The following DNAJC7 variants were observed in gnomAD, a reference collection of about 807,000 sequenced individuals.
The protein encoded by DNAJC7 is DnaJ heat shock protein family (Hsp40) member C7, also known as dnaJ homolog subfamily C member 7.
DNAJC7 carries 18 observed loss-of-function variants against 67.4 expected under a neutral mutation model. That is an observed-to-expected ratio of 0.27 (90% CI 0.18 to 0.40). DNAJC7 has a LOEUF of 0.40. DNAJC7 is among the 10% of genes least tolerant of loss of function. The pLI, the probability that DNAJC7 is intolerant of heterozygous loss-of-function variation, is 1.00. For missense variants in DNAJC7, 419 were observed against 613.8 expected (o/e 0.68, Z 3.35); for synonymous variants, 220 against 207.8 (o/e 1.06, Z -0.50).
intron 1 of DNAJC7, chr17:42,017,033 C>T: frequency 7.5e-7 from 1 of 1,330,512 alleles, no homozygotes; most frequent in Non-Finnish European, 9.6e-7. Flanking sequence ...CGCGCCGCTT[C>T]CCCCACCTCG....
At chr17:41,981,354 A>G (rs985084993) in intron 12 of DNAJC7, among the ~76,000 whole-genome samples, 1 of 151,728 alleles carries the variant, frequency 6.6e-6, no homozygotes, top group African/African-American at 2.4e-5. Context: ...CCACCACCAC[A>G]CCTGGCTAAT....
intron 1 of DNAJC7, among the ~76,000 whole-genome samples, chr17:42,004,643 T>C (rs905332472): frequency 1.3e-5 from 2 of 152,188 alleles, no homozygotes; most frequent in African/African-American, 4.8e-5. Flanking sequence ...CACAACAGGA[T>C]CAGCACACTG....
At chr17:41,986,845 G>T (rs2051396118) in intron 9 of DNAJC7, among the ~76,000 whole-genome samples, 1 of 152,172 alleles carries the variant, frequency 6.6e-6, no homozygotes, top group African/African-American at 2.4e-5. Context: ...AGAAAACTAA[G>T]TGGGAGGTAG....
chr17:41,980,398 A>C (rs2051218561), intron 12 of DNAJC7, among the ~76,000 whole-genome samples: 1 of 150,140 alleles, frequency 6.7e-6, no homozygotes, highest in South Asian at 2.1e-4. Flanking sequence ...TAATTAATTA[A>C]TTTTTGAGAT....
intron 1 of DNAJC7, among the ~76,000 whole-genome samples, chr17:42,006,318 CA>C (rs1177704198): frequency 6.6e-6 from 1 of 151,354 alleles, no homozygotes; most frequent in East Asian, 1.9e-4. Context: ...CACGCCTGGC[CA>C]ATTTTTTTTT....
At chr17:42,001,181 G>A (rs2051798111) in intron 1 of DNAJC7, 1 of 152,392 alleles carries the variant, frequency 6.6e-6, no homozygotes, top group East Asian at 1.9e-4. Flanking sequence ...GTGGATGACA[G>A]GGACATATGA....
At chr17:41,981,321 C>T (rs1450652053) in intron 12 of DNAJC7, among the ~76,000 whole-genome samples, 5 of 152,096 alleles carry the variant, frequency 3.3e-5, no homozygotes, top group African/African-American at 7.2e-5. Flanking sequence ...CTCGGCCTCC[C>T]GAGTAGCTGG....
intron 6 of DNAJC7, 128 bp downstream of exon 6, chr17:41,990,136 A>T: frequency 1.2e-6 from 1 of 834,634 alleles, no homozygotes; most frequent in Non-Finnish European, 1.9e-6. Context: ...CTTTGACTTT[A>T]AGTCCCAAGA....
At chr17:41,994,519 CAAAAAAAAAAA>C (rs68006925) in intron 5 of DNAJC7, among the ~76,000 whole-genome samples, 7 of 37,888 alleles carry the variant, frequency 1.8e-4, no homozygotes, top group East Asian at 1.5e-3. Context: ...GACTAGGCCT[CAAAAAAAAAAA>C]AAAAAAAAAA....
At position 41,982,242 on chromosome 17, in the gene DNAJC7, G is replaced by A. The variant is rs188154692; in HGVS notation, c.1231+13C>T. The A allele has an allele frequency of 3.0e-5, 49 of 1,613,742 alleles. No individual in the cohort carries two copies. The highest frequency in any genetic ancestry group is 4.1e-5 in the Non-Finnish European group (48 of 1,179,802). ...GTTCTTCCCACTGAGCCCACTCCCC[G>A]CACCTACTCTACCTGGATGGTGCAT... is the stretch of plus-strand genomic sequence containing the variant. On this transcript the variant is annotated intron_variant, in intron 11 of 13. Coordinates refer to ENST00000457167, the MANE Select transcript of DNAJC7 (RefSeq NM_003315.4).
intron 11 of DNAJC7, 111 bp downstream of exon 11, chr17:41,982,144 C>A: frequency 6.5e-7 from 1 of 1,548,896 alleles, no homozygotes; most frequent in East Asian, 2.3e-5. Flanking sequence ...GTCTGCAACA[C>A]CTTATTCTCA....
At chr17:42,006,740 T>A (rs2051968508) in intron 1 of DNAJC7, among the ~76,000 whole-genome samples, 1 of 131,604 alleles carries the variant, frequency 7.6e-6, no homozygotes, top group African/African-American at 2.9e-5. Flanking sequence ...GTGGTTGTGA[T>A]GAGCCAAGGT....
At chr17:41,980,101 G>A (rs1320273387) in intron 12 of DNAJC7, among the ~76,000 whole-genome samples, 1 of 148,074 alleles carries the variant, frequency 6.8e-6, no homozygotes, top group East Asian at 2.0e-4. Context: ...CCAGGCTGGA[G>A]TGCAGTGGTG....
chr17:41,980,703 G>A lies in DNAJC7; in HGVS notation c.1384+1152C>T, dbSNP rs563497017. 1.4e-3 allele frequency among the ~76,000 whole-genome samples: 206 copies of A among 152,204 alleles called. 1 individual carries two copies. The highest frequency in any genetic ancestry group is 4.7e-3 in the African/African-American group (197 of 41,534). On this transcript the variant is annotated intron_variant, in intron 12 of 13. Coordinates refer to ENST00000457167, the MANE Select transcript of DNAJC7 (RefSeq NM_003315.4). Reference sequence around the variant, plus strand: ...GTAAGCCACCGCGCCCAGCTCACAGGTCAGGGCCTCTTATCTCTGACAGCC... The same window carrying A: ...GTAAGCCACCGCGCCCAGCTCACAGATCAGGGCCTCTTATCTCTGACAGCC...
At chr17:41,989,050 T>C (rs564477736) in intron 7 of DNAJC7, among the ~76,000 whole-genome samples, 154 bp from the exon 8 acceptor site, 5 of 152,312 alleles carry the variant, frequency 3.3e-5, no homozygotes, top group African/African-American at 7.2e-5. Context: ...TGTTGCTCAT[T>C]TGAGCTTCCT....
Position 41,980,113 on chromosome 17 carries a change from G to A in DNAJC7, c.1384+1742C>T, listed in dbSNP as rs559910501. On this transcript the variant is annotated intron_variant, in intron 12 of 13. Coordinates refer to ENST00000457167, the MANE Select transcript of DNAJC7 (RefSeq NM_003315.4). ...TCGCCAGGCTGGAGTGCAGTGGTGC[G>A]ATCTCAGCTCATTGCAACCTCCGCC... Among the ~76,000 whole-genome samples the A allele has an allele frequency of 8.2e-5, 12 of 146,520 alleles. No individual in the cohort carries two copies. The South Asian group carries it at 2.6e-3, about 32-fold the overall frequency.
intron 12 of DNAJC7, among the ~76,000 whole-genome samples, chr17:41,979,967 CA>C (rs1181076428): frequency 2.6e-4 from 40 of 151,068 alleles, no homozygotes; most frequent in African/African-American, 9.2e-4. Flanking sequence ...TCTCAAAAAA[CA>C]AAACAAAACA....
chr17:42,004,049 G>C (rs2051881897), intron 1 of DNAJC7, among the ~76,000 whole-genome samples: 1 of 143,856 alleles, frequency 7.0e-6, no homozygotes, highest in African/African-American at 2.6e-5. Flanking sequence ...TCTGCCTCCT[G>C]GGTTCAAGTG....
intron 1 of DNAJC7, chr17:42,016,879 G>A: frequency 1.1e-6 from 1 of 926,388 alleles, no homozygotes; most frequent in Non-Finnish European, 1.3e-6. Flanking sequence ...CCAGACTAGT[G>A]ATCGCTGGGG....
Sources: allele counts gnomAD v4.1 joint callset (sites outside exome capture counted in the v4.1 genomes callset), GRCh38; gene constraint gnomAD v4.1.1; transcripts MANE v1.5; gene names NCBI Gene and HGNC (gene_info 2026-07-23, HGNC 2026-07-21).